Variants in FOXRED1 observed in about 807,000 individuals in gnomAD.
FOXRED1 encodes FAD dependent oxidoreductase domain containing 1.
FOXRED1 carries 52 observed loss-of-function variants against 57.8 expected under a neutral mutation model. The observed-to-expected ratio is 0.90, with a 90% CI of 0.72 to 1.13. The LOEUF (loss-of-function observed/expected upper bound fraction) is 1.13, where lower values mean the gene tolerates loss of function less well. Among genes scored for constraint, FOXRED1 ranks in the 50% most tolerant of loss-of-function variants. The pLI is 0.00. For missense variants in FOXRED1, 589 were observed against 625.2 expected, an observed-to-expected ratio of 0.94 and a Z score of 0.62; for synonymous variants, 271 against 248.3, an observed-to-expected ratio of 1.09 and a Z score of -0.86.
intron 1 of FOXRED1, among the ~76,000 whole-genome samples, chr11:126,270,215 C>T (rs1479796594): frequency 6.6e-6 from 1 of 152,082 alleles, no homozygotes; most frequent in Non-Finnish European, 1.5e-5. Flanking sequence ...TCTAGATAGA[C>T]GGTGTGAGTA....
At chr11:126,270,481 G>C (rs1950954030) in intron 1 of FOXRED1, among the ~76,000 whole-genome samples, 2 of 152,212 alleles carry the variant, frequency 1.3e-5, no homozygotes, top group African/African-American at 4.8e-5. Flanking sequence ...AGATCATGTA[G>C]AGTTTGACCT....
rs139029156 is a variant in FOXRED1, at chr11:126,277,241, C to T, written c.1206+66C>T. 3.8e-5 allele frequency: 47 copies of T among 1,229,676 alleles called. No homozygotes were observed. The East Asian group carries it at 1.1e-3, about 28-fold the overall frequency. The allele number at this position is 1,229,676 out of a possible 1,614,324, so 76.2% of individuals were successfully genotyped here. A position where few individuals can be genotyped will look rare whatever the true frequency, so the allele number is the denominator to read the frequency against. The stretch of plus-strand genomic sequence containing the variant: ...TTGGATGGGACAGATGACAGTGGAG[C>T]ACATTGGTCCCCTCGGACCCGTGAC... On this transcript the variant is annotated intron_variant, in intron 10 of 10. Coordinates refer to ENST00000263578, the MANE Select transcript of FOXRED1 (RefSeq NM_017547.4). The surrounding 1 kb of genome is among the most constrained non-coding windows in gnomAD (Gnocchi z 6.8).
At position 126,273,243 on chromosome 11, in the gene FOXRED1, AC is replaced by A; in HGVS notation, c.418-92del. On this transcript the variant is annotated intron_variant, in intron 3 of 10. Coordinates refer to ENST00000263578, the MANE Select transcript of FOXRED1 (RefSeq NM_017547.4). This position sits in a 1 kb window ranked among gnomAD's most constrained non-coding sequence, Gnocchi z 5.9. The stretch of plus-strand genomic sequence containing the variant: ...AGTGGTGGTGCCGCAGGTCTGGGGC[AC>A]TGAGCCTGGGGAGCTGTGGGGGAAG... The A allele has an allele frequency of 9.2e-7, 1 of 1,082,086 alleles. No individual in the cohort carries two copies. The highest frequency in any genetic ancestry group is 2.4e-5 in the East Asian group (1 of 42,508). 67.0% of individuals were successfully genotyped at this position (1,082,086 alleles called of 1,614,324 possible).
At chr11:126,276,767 T>G in intron 9 of FOXRED1, 1 of 488,064 alleles carries the variant, frequency 2.0e-6, no homozygotes, top group Non-Finnish European at 3.8e-6. Context: ...TCCCAGCTAC[T>G]TGGGAGGCTG....
rs1402541204 is a variant in FOXRED1 at position 126,275,293 on chromosome 11, T to A, written c.632-34T>A. 2.1e-6 allele frequency: 3 copies of A among 1,437,700 alleles called. No homozygotes were observed. The highest frequency in any genetic ancestry group is 2.9e-6 in the Non-Finnish European group (3 of 1,019,118). 89.1% of individuals were successfully genotyped at this position (1,437,700 alleles called of 1,614,324 possible). ...TACAATCCAAGAGCAGAAGTCCTCATCCCTCTTTGTGAGTTCTCTTTTTCT... is the reference window on the plus strand; with the variant it reads ...TACAATCCAAGAGCAGAAGTCCTCAACCCTCTTTGTGAGTTCTCTTTTTCT... On this transcript the variant is annotated intron_variant, in intron 5 of 10. Coordinates refer to ENST00000263578, the MANE Select transcript of FOXRED1 (RefSeq NM_017547.4). The surrounding 1 kb of genome is among the most constrained non-coding windows in gnomAD (Gnocchi z 5.9).
chr11:126,272,490 G>C lies in FOXRED1; in HGVS notation c.307-479G>C. The stretch of plus-strand genomic sequence containing the variant: ...GTATTTTTTGTAGAAATGGGGTTTT[G>C]CCACGTTGCCCAGCTGGTCTCAGAT... On this transcript the variant is annotated intron_variant, in intron 2 of 10. Coordinates refer to ENST00000263578, the MANE Select transcript of FOXRED1 (RefSeq NM_017547.4). This position sits in a 1 kb window ranked among gnomAD's most constrained non-coding sequence, Gnocchi z 4.6. 4.2e-6 allele frequency: 1 copy of C among 235,626 alleles called. No individual in the cohort carries two copies. Among genetic ancestry groups the C allele is most frequent in the Non-Finnish European group, 8.4e-6 (1 of 118,394 alleles). 14.6% of individuals were successfully genotyped at this position (235,626 alleles called of 1,614,324 possible). A position where few individuals can be genotyped will look rare whatever the true frequency, so the allele number is the denominator to read the frequency against.
intron 1 of FOXRED1, 111 bp downstream of exon 1, chr11:126,269,402 G>A: frequency 1.3e-6 from 2 of 1,591,272 alleles, no homozygotes; most frequent in Non-Finnish European, 1.7e-6. Flanking sequence ...CAGTGGGTCG[G>A]CTTGGGGAAG....
rs546143216 is a variant in FOXRED1, at chr11:126,277,975, C to G, written c.*286C>G. On this transcript the variant is annotated 3_prime_UTR_variant, in exon 11 of 11. Coordinates refer to ENST00000263578, the MANE Select transcript of FOXRED1 (RefSeq NM_017547.4). This position sits in a 1 kb window ranked among gnomAD's most constrained non-coding sequence, Gnocchi z 6.8. ...CCTGAGCACCCTGGCCCAGGACTGG[C>G]TTCATCCTGGCACTGACCAGGAAAG... The G allele has an allele frequency of 1.0e-4, 62 of 618,972 alleles. No homozygotes were observed. The highest frequency in any genetic ancestry group is 9.2e-4 in the African/African-American group (51 of 55,702). 38.3% of individuals were successfully genotyped at this position (618,972 alleles called of 1,614,324 possible).
chr11:126,277,997 A>G lies in FOXRED1; in HGVS notation c.*308A>G. ...TGGCTTCATCCTGGCACTGACCAGGAAAGACTGCCTCTGACCCTCTTAGCA... is the reference window on the plus strand; with the variant it reads ...TGGCTTCATCCTGGCACTGACCAGGGAAGACTGCCTCTGACCCTCTTAGCA... On this transcript the variant is annotated 3_prime_UTR_variant, in exon 11 of 11. Transcript: ENST00000263578. This position sits in a 1 kb window ranked among gnomAD's most constrained non-coding sequence, Gnocchi z 6.8. 1 of 587,420 alleles carries G rather than the reference A, an allele frequency of 1.7e-6. No homozygotes were observed. Among genetic ancestry groups the G allele is most frequent in the Non-Finnish European group, 3.2e-6 (1 of 313,000 alleles). The allele number at this position is 587,420 out of a possible 1,614,324, so 36.4% of individuals were successfully genotyped here. A position where few individuals can be genotyped will look rare whatever the true frequency, so the allele number is the denominator to read the frequency against.
At position 126,275,241 on chromosome 11, in the gene FOXRED1, TAG is replaced by T. The variant is rs1291452726; in HGVS notation, c.632-81_632-80del. 9.5e-7 allele frequency: 1 copy of T among 1,056,528 alleles called. No homozygotes were observed. Among genetic ancestry groups the T allele is most frequent in the Non-Finnish European group, 1.5e-6 (1 of 674,702 alleles). 65.4% of individuals were successfully genotyped at this position (1,056,528 alleles called of 1,614,324 possible). A position where few individuals can be genotyped will look rare whatever the true frequency, so the allele number is the denominator to read the frequency against. Reference sequence around the variant, plus strand: ...ATGACCTTCCCCGGCTTACAAGCCCTAGAGAGGGGTTGGGGGGCACAGGAAAT... The same window carrying T: ...ATGACCTTCCCCGGCTTACAAGCCCTAGAGGGGTTGGGGGGCACAGGAAAT... On this transcript the variant is annotated intron_variant, in intron 5 of 10. Coordinates refer to ENST00000263578, the MANE Select transcript of FOXRED1 (RefSeq NM_017547.4). The surrounding 1 kb of genome is among the most constrained non-coding windows in gnomAD (Gnocchi z 5.9).
At position 126,272,712 on chromosome 11, in the gene FOXRED1, G is replaced by C. The variant is rs1247125720; in HGVS notation, c.307-257G>C. The C allele has an allele frequency of 1.7e-6, 1 of 573,180 alleles. No individual in the cohort carries two copies. The highest frequency in any genetic ancestry group is 3.0e-5 in the East Asian group (1 of 33,478). 35.5% of individuals were successfully genotyped at this position (573,180 alleles called of 1,614,324 possible). ...GTCAAACGTTAATCGCCTGCCCTTG[G>C]ACTTCCAGGCCATTACCATTTTGTA... On this transcript the variant is annotated intron_variant, in intron 2 of 10. Coordinates refer to ENST00000263578, the MANE Select transcript of FOXRED1 (RefSeq NM_017547.4). The surrounding 1 kb of genome is among the most constrained non-coding windows in gnomAD (Gnocchi z 4.6).
Position 126,276,232 on chromosome 11 carries a change from C to T in FOXRED1, c.971+13C>T, listed in dbSNP as rs374211633. 1.6e-4 allele frequency: 204 copies of T among 1,261,642 alleles called. No individual in the cohort carries two copies. The highest frequency in any genetic ancestry group is 2.0e-4 in the Non-Finnish European group (193 of 987,358). 78.2% of individuals were successfully genotyped at this position (1,261,642 alleles called of 1,614,324 possible). On this transcript the variant is annotated intron_variant, in intron 8 of 10. Transcript: ENST00000263578. Reference sequence around the variant, plus strand: ...AGCCGAGGAAAAGGTAACTGCCCTCCGGACAGCTGAGGAGGTTGGTGAGAA... The same window carrying T: ...AGCCGAGGAAAAGGTAACTGCCCTCTGGACAGCTGAGGAGGTTGGTGAGAA...
Position 126,275,110 on chromosome 11 carries a change from C to A in FOXRED1, c.631+89C>A. 1 of 934,306 alleles carries A rather than the reference C, an allele frequency of 1.1e-6. No individual in the cohort carries two copies. The highest frequency in any genetic ancestry group is 1.8e-6 in the Non-Finnish European group (1 of 570,356). The allele number at this position is 934,306 out of a possible 1,614,324, so 57.9% of individuals were successfully genotyped here. On this transcript the variant is annotated intron_variant, in intron 5 of 10. Coordinates refer to ENST00000263578, the MANE Select transcript of FOXRED1 (RefSeq NM_017547.4). This position sits in a 1 kb window ranked among gnomAD's most constrained non-coding sequence, Gnocchi z 5.9. ...GTTGGGAGTCTCGGTACTCCACAGC[C>A]AAGCTGAAGGAGGAACACTTCCCTC... is the stretch of plus-strand genomic sequence containing the variant.
chr11:126,277,886 C>G lies in FOXRED1; in HGVS notation c.*197C>G. 1 of 701,688 alleles carries G rather than the reference C, an allele frequency of 1.4e-6. No homozygotes were observed. The highest frequency in any genetic ancestry group is 2.6e-6 in the Non-Finnish European group (1 of 388,558). 43.5% of individuals were successfully genotyped at this position (701,688 alleles called of 1,614,324 possible). A position where few individuals can be genotyped will look rare whatever the true frequency, so the allele number is the denominator to read the frequency against. ...GCCGAGGCCAATAGCGAGTGATGAG[C>G]GGGATCCTAGGACTGATCTGTAGCC... On this transcript the variant is annotated 3_prime_UTR_variant, in exon 11 of 11. Transcript: ENST00000263578. The surrounding 1 kb of genome is among the most constrained non-coding windows in gnomAD (Gnocchi z 6.8).
In FOXRED1 at chr11:126,277,564, C is replaced by T. The variant is rs1344313389; in HGVS notation, c.1336C>T (p.Pro446Ser). Residue 446 changes from proline (P) to serine (S), a missense_variant, in exon 11 of 11, where the codon CCT (proline) becomes TCT (serine). Transcript: ENST00000263578. The surrounding 1 kb of genome is among the most constrained non-coding windows in gnomAD (Gnocchi z 6.8). ...CAGTGGTCACGGGCTCCAGCAGGCC[C>T]CTGGCATTGGGCGAGCTGTAGCAGA... ...GFSGHGLQQA[P>S]GIGRAVAEMV... 6.2e-7 allele frequency: 1 copy of T among 1,613,780 alleles called. No homozygotes were observed. Among genetic ancestry groups the T allele is most frequent in the Non-Finnish European group, 8.5e-7 (1 of 1,180,026 alleles).
In FOXRED1 at chr11:126,271,620, G is replaced by T; in HGVS notation, c.269G>T (p.Gly90Val). ...CTGAAGAAGCTGGAGAGCAGACGAG[G>T]TGCTATTCGAGTGCTAGTGGTGGAA... Reference protein sequence around the residue: ...YWLKKLESRRGAIRVLVVERD... With the variant: ...YWLKKLESRRVAIRVLVVERD... Residue 90 changes from glycine (G) to valine (V), a missense_variant, in exon 2 of 11, where the codon GGT (glycine) becomes GTT (valine). By Grantham distance (109) the Gly-to-Val change is moderately radical (BLOSUM62 -3). Coordinates refer to ENST00000263578, the MANE Select transcript of FOXRED1 (RefSeq NM_017547.4). The surrounding 1 kb of genome is among the most constrained non-coding windows in gnomAD (Gnocchi z 5.3). The T allele has an allele frequency of 5.6e-6, 9 of 1,614,136 alleles. No individual in the cohort carries two copies. The highest frequency in any genetic ancestry group is 7.6e-6 in the Non-Finnish European group (9 of 1,180,040).
rs1329335423 is a variant in FOXRED1, at chr11:126,275,727, C to A, written c.734-67C>A. ...TTCCAGCTTTCTTTCCTTAAGAAACCAGTGAAATCCCCATTTCATTCCTCT... is the reference window on the plus strand; with the variant it reads ...TTCCAGCTTTCTTTCCTTAAGAAACAAGTGAAATCCCCATTTCATTCCTCT... On this transcript the variant is annotated intron_variant, in intron 6 of 10. Coordinates refer to ENST00000263578, the MANE Select transcript of FOXRED1 (RefSeq NM_017547.4). The surrounding 1 kb of genome is among the most constrained non-coding windows in gnomAD (Gnocchi z 5.9). The A allele has an allele frequency of 9.1e-7, 1 of 1,095,502 alleles. No individual in the cohort carries two copies. Among genetic ancestry groups the A allele is most frequent in the Non-Finnish European group, 1.4e-6 (1 of 712,878 alleles). 67.9% of individuals were successfully genotyped at this position (1,095,502 alleles called of 1,614,324 possible). A position where few individuals can be genotyped will look rare whatever the true frequency, so the allele number is the denominator to read the frequency against.
rs773196403 is a variant in FOXRED1, at chr11:126,269,302, G to A, written c.85+11G>A. ...GAGGCTTTTCTCTGGGTAAAGTTGA[G>A]GACGACAGAGGGTATTGTGGTTCTG... On this transcript the variant is annotated intron_variant, in intron 1 of 10. Coordinates refer to ENST00000263578, the MANE Select transcript of FOXRED1 (RefSeq NM_017547.4). 1 of 1,614,130 alleles carries A rather than the reference G, an allele frequency of 6.2e-7. No homozygotes were observed. Among genetic ancestry groups the A allele is most frequent in the East Asian group, 2.2e-5 (1 of 44,882 alleles).
intron 1 of FOXRED1, 166 bp downstream of exon 1, chr11:126,269,457 A>G: frequency 7.3e-7 from 1 of 1,364,678 alleles, no homozygotes; most frequent in Non-Finnish European, 1.0e-6. Context: ...GTGCAGGTGT[A>G]TGGCTCCCAA....
Sources: allele counts gnomAD v4.1 joint callset (sites outside exome capture counted in the v4.1 genomes callset), GRCh38; gene constraint gnomAD v4.1.1; non-coding constraint Gnocchi (gnomAD v3.1); transcripts MANE v1.5; gene names NCBI Gene and HGNC (gene_info 2026-07-23, HGNC 2026-07-21).